CNTNAP2: variants seen among roughly 807,000 people sequenced by gnomAD.
The protein encoded by CNTNAP2 is contactin-associated protein-like 2.
Under a neutral mutation model 155.2 loss-of-function variants are expected in CNTNAP2, and 98 were observed. The observed-to-expected ratio is 0.63, with a 90% CI of 0.54 to 0.75. The LOEUF (loss-of-function observed/expected upper bound fraction) is 0.75, where lower values mean the gene tolerates loss of function less well. CNTNAP2 is among the 30% of genes least tolerant of loss of function. The probability of loss-of-function intolerance (pLI) is 0.00; values close to 1 mark genes in which losing one functional copy is unlikely to be tolerated. For missense variants in CNTNAP2, 1,727 were observed against 1,688.1 expected, an observed-to-expected ratio of 1.02 and a Z score of -0.40; for synonymous variants, 651 against 631.2, an observed-to-expected ratio of 1.03 and a Z score of -0.47.
chr7:146,811,156 T>A lies in CNTNAP2; in HGVS notation c.209-28555T>A, dbSNP rs75330586. ...ACGTTACTGGCCTTGAAAAATTACA[T>A]TGGAAGTGTTCCCATCTCAATTTTT... On this transcript the variant is annotated intron_variant, in intron 2 of 23. Transcript: ENST00000361727. 4.8e-3 allele frequency among the ~76,000 whole-genome samples: 731 copies of A among 152,322 alleles called. 10 individuals carry two copies. Among genetic ancestry groups the A allele is most frequent in the African/African-American group, 0.017 (689 of 41,580 alleles).
chr7:146,993,704 G>A lies in CNTNAP2; in HGVS notation c.403-50203G>A, dbSNP rs1029418755. ...TCATGATGATTTTACAGGTGTATAC[G>A]TATCCCCAAATTCATGAAGTTGTAC... On this transcript the variant is annotated intron_variant, in intron 3 of 23. Coordinates refer to ENST00000361727, the MANE Select transcript of CNTNAP2 (RefSeq NM_014141.6). 3.9e-5 allele frequency among the ~76,000 whole-genome samples: 6 copies of A among 152,108 alleles called. No homozygotes were observed. In the South Asian group the frequency reaches 6.2e-4, roughly 16 times the overall value.
chr7:148,014,941 T>G (rs1802148236), intron 15 of CNTNAP2, among the ~76,000 whole-genome samples: 1 of 152,148 alleles, frequency 6.6e-6, no homozygotes, highest in African/African-American at 2.4e-5. Flanking sequence ...TAGGGAAGGT[T>G]TTATTTTTAT....
intron 13 of CNTNAP2, among the ~76,000 whole-genome samples, chr7:147,802,310 G>T (rs1356926553): frequency 6.8e-6 from 1 of 147,778 alleles, no homozygotes; most frequent in Non-Finnish European, 1.5e-5. Flanking sequence ...CCAGGCAGAG[G>T]GGCTCCTCAC....
chr7:147,812,317 G>A (rs568794744), intron 13 of CNTNAP2, among the ~76,000 whole-genome samples: 7 of 152,112 alleles, frequency 4.6e-5, no homozygotes, highest in South Asian at 2.1e-4. Context: ...TTTACTTTAA[G>A]GAAATTTATT....
chr7:146,555,524 A>T (rs904051773), intron 1 of CNTNAP2, among the ~76,000 whole-genome samples: 5 of 151,768 alleles, frequency 3.3e-5, no homozygotes, highest in Admixed American at 2.0e-4. Context: ...CTATCTATCT[A>T]TCTATCTATC....
intron 13 of CNTNAP2, among the ~76,000 whole-genome samples, chr7:147,784,406 A>G (rs1484254397): frequency 1.5e-5 from 2 of 129,038 alleles, no homozygotes; most frequent in African/African-American, 2.9e-5. Context: ...ATATATATAT[A>G]TGTAACATAT....
At chr7:146,137,550 T>C (rs940997182) in intron 1 of CNTNAP2, among the ~76,000 whole-genome samples, 19 of 152,074 alleles carry the variant, frequency 1.2e-4, no homozygotes, top group African/African-American at 4.6e-4. Context: ...AACTGTGAAT[T>C]TATGTTATTT....
intron 13 of CNTNAP2, among the ~76,000 whole-genome samples, chr7:147,741,279 T>C (rs1796951410): frequency 6.6e-6 from 1 of 152,228 alleles, no homozygotes; most frequent in Non-Finnish European, 1.5e-5. Context: ...TTTTAAACAC[T>C]GGCTTCATGT....
chr7:148,096,178 T>C (rs1005622404), intron 15 of CNTNAP2, among the ~76,000 whole-genome samples: 1 of 152,218 alleles, frequency 6.6e-6, no homozygotes, highest in Non-Finnish European at 1.5e-5. Flanking sequence ...TTTCTGTTAG[T>C]GGAGGAATTA....
chr7:147,823,271 C>A (rs1441514356), intron 13 of CNTNAP2, among the ~76,000 whole-genome samples: 1 of 152,192 alleles, frequency 6.6e-6, no homozygotes, highest in Non-Finnish European at 1.5e-5. Context: ...AGCTGCCCTG[C>A]TGCTAAAAGC....
At chr7:147,533,710 C>CAAAAA (rs762259674) in intron 11 of CNTNAP2, among the ~76,000 whole-genome samples, 3 of 124,574 alleles carry the variant, frequency 2.4e-5, no homozygotes, top group African/African-American at 8.8e-5. Context: ...GATCCCATCT[C>CAAAAA]AAAAAAAAAA....
intron 3 of CNTNAP2, among the ~76,000 whole-genome samples, chr7:146,884,608 A>AT (rs1409271632): frequency 6.6e-5 from 10 of 151,980 alleles, no homozygotes; most frequent in Non-Finnish European, 1.5e-4. Context: ...TACATATGGG[A>AT]TTTACATTCA....
In CNTNAP2 at chr7:147,952,435, T is replaced by C. The variant is rs141379897; in HGVS notation, c.2256-25427T>C. ...CCAGGCAGGGCGAGAAGAGTGAAAC[T>C]CTGTCTCAAATAATAATAACAATAA... On this transcript the variant is annotated intron_variant, in intron 14 of 23. Coordinates refer to ENST00000361727, the MANE Select transcript of CNTNAP2 (RefSeq NM_014141.6). Among the ~76,000 whole-genome samples, 17 of 151,968 alleles carry C rather than the reference T, an allele frequency of 1.1e-4. No homozygotes were observed. The East Asian group carries it at 3.3e-3, about 29-fold the overall frequency.
intron 21 of CNTNAP2, among the ~76,000 whole-genome samples, chr7:148,298,411 G>A (rs1344907039): frequency 6.6e-6 from 1 of 152,160 alleles, no homozygotes; most frequent in African/African-American, 2.4e-5. Context: ...CATAGAAGAT[G>A]GTAATGATTC....
chr7:146,972,501 G>T (rs984368118), intron 3 of CNTNAP2, among the ~76,000 whole-genome samples: 2 of 152,086 alleles, frequency 1.3e-5, no homozygotes, highest in African/African-American at 4.8e-5. Context: ...TTTACTATCT[G>T]TGTATGAACC....
chr7:147,693,447 G>C (rs1428355041), intron 13 of CNTNAP2, among the ~76,000 whole-genome samples: 1 of 152,022 alleles, frequency 6.6e-6, no homozygotes, highest in East Asian at 1.9e-4. Context: ...TAGATATTGT[G>C]ATAATATTGA....
At chr7:148,119,168 G>A (rs905716414) in intron 16 of CNTNAP2, among the ~76,000 whole-genome samples, 4 of 152,090 alleles carry the variant, frequency 2.6e-5, no homozygotes, top group African/African-American at 2.4e-5. Context: ...CCACAAGGAC[G>A]AGGCCAGGCT....
chr7:148,411,108 T>C (rs1305718427), intron 23 of CNTNAP2, among the ~76,000 whole-genome samples: 3 of 152,194 alleles, frequency 2.0e-5, no homozygotes, highest in Non-Finnish European at 4.4e-5. Context: ...TACATAATAA[T>C]TTGACTCTCC....
At chr7:146,426,416 CACACATAT>C (rs1796091654) in intron 1 of CNTNAP2, among the ~76,000 whole-genome samples, 1 of 147,858 alleles carries the variant, frequency 6.8e-6, no homozygotes, top group East Asian at 2.0e-4. Context: ...TATACACACA[CACACATAT>C]ACACACACAT....
Sources: gnomAD v4.1 joint callset for allele counts (sites outside exome capture counted in the v4.1 genomes callset) on GRCh38, gnomAD v4.1.1 for gene constraint, MANE v1.5 for transcripts, NCBI Gene and HGNC (gene_info 2026-07-23, HGNC 2026-07-21) for gene names.